The following MIS18BP1 variants were observed in gnomAD, a reference collection of about 807,000 sequenced individuals.
MIS18BP1 encodes the protein mis18-binding protein 1.
A neutral mutation model predicts 116.1 loss-of-function variants in MIS18BP1; 72 were observed. The ratio of observed to expected loss-of-function variants is 0.62; its 90% CI spans 0.51 to 0.75. The LOEUF (loss-of-function observed/expected upper bound fraction) is 0.75, where lower values mean the gene tolerates loss of function less well. Ranked by LOEUF, MIS18BP1 falls within the 30% of genes least tolerant of loss-of-function variation. The probability of loss-of-function intolerance (pLI) is 0.00; values close to 1 mark genes in which losing one functional copy is unlikely to be tolerated. For synonymous variants in MIS18BP1, 386 were observed against 427.0 expected, an observed-to-expected ratio of 0.90 and a Z score of 1.18; for missense variants, 1,363 against 1,303.2, an observed-to-expected ratio of 1.05 and a Z score of -0.71.
chr14:45,231,180 T>C lies in MIS18BP1; in HGVS notation c.1555A>G (p.Arg519Gly), dbSNP rs763291572. Reference protein sequence around the residue: ...ARENQTDTAQRATTTYDFDCD... With the variant: ...ARENQTDTAQGATTTYDFDCD... Reference sequence around the variant, plus strand: ...TCAAAATCGTAAGTGGTGGTGGCTCTTTGAGCAGTATCTGTTTGGTTTTCT... The same window carrying C: ...TCAAAATCGTAAGTGGTGGTGGCTCCTTGAGCAGTATCTGTTTGGTTTTCT... Residue 519 changes from arginine (R) to glycine (G), a missense_variant, in exon 8 of 17, where the codon AGA (arginine) becomes GGA (glycine). Coordinates refer to ENST00000310806, the MANE Select transcript of MIS18BP1 (RefSeq NM_018353.5). 3 of 1,613,964 alleles carry C rather than the reference T, an allele frequency of 1.9e-6. No homozygotes were observed. The African/African-American group carries it at 4.0e-5, about 22-fold the overall frequency.
In MIS18BP1 at chr14:45,232,789, C is replaced by T. The variant is rs1891324420; in HGVS notation, c.1380G>A (p.Met460Ile). The T allele has an allele frequency of 5.4e-6, 8 of 1,469,752 alleles. No individual in the cohort carries two copies. Among genetic ancestry groups the T allele is most frequent in the Non-Finnish European group, 7.4e-6 (8 of 1,078,386 alleles). The allele number at this position is 1,469,752 out of a possible 1,614,324, so 91.0% of individuals were successfully genotyped here. A position where few individuals can be genotyped will look rare whatever the true frequency, so the allele number is the denominator to read the frequency against. ...CTTTCCAATTTTCTGGAAATCCAAA[C>T]ATAAATTTCCTTATGAGATAATTTG... is the stretch of plus-strand genomic sequence containing the variant. ...GYPNYLIRKF[M>I]FGFPENWKEH... The change falls in exon 7 of 17, where the codon ATG (methionine) becomes ATA (isoleucine). Residue 460 changes from methionine to isoleucine, a missense_variant. By Grantham distance (10) the Met-to-Ile change is conservative. Transcript: ENST00000310806.
At chr14:45,237,571 A>G (rs1039324340) in intron 5 of MIS18BP1, 77 bp downstream of exon 5, 1 of 1,484,134 alleles carries the variant, frequency 6.7e-7, no homozygotes, top group African/African-American at 1.5e-5. Context: ...GGAGGATGCT[A>G]TTTCTCATGC....
intron 2 of MIS18BP1, 144 bp downstream of exon 2, chr14:45,246,599 C>T: frequency 1.7e-6 from 1 of 575,850 alleles, no homozygotes; most frequent in Non-Finnish European, 2.7e-6. Context: ...TTAATTATGT[C>T]TTCCCACCAT....
intron 11 of MIS18BP1, among the ~76,000 whole-genome samples, chr14:45,221,151 A>G: frequency 6.6e-6 from 1 of 151,738 alleles, no homozygotes; most frequent in East Asian, 1.9e-4. Flanking sequence ...GAAAAAAAAT[A>G]AAAGAAGCCG....
rs750343229 is a variant in MIS18BP1 at position 45,224,320 on chromosome 14, T to C, written c.2267A>G (p.Asn756Ser). The C allele has an allele frequency of 6.2e-7, 1 of 1,613,952 alleles. No individual in the cohort carries two copies. The highest frequency in any genetic ancestry group is 2.2e-5 in the East Asian group (1 of 44,858). ...CTTATAAAATGACATAGCTACCTGA[T>C]TTTCTATTTTCTTCAATTTTGGTAA... Reference protein sequence around the residue: ...RLLPKLKKIENQVAMSFYKHQ... With the variant: ...RLLPKLKKIESQVAMSFYKHQ... Residue 756 changes from asparagine (N) to serine (S), a missense_variant, in exon 11 of 17, where the codon AAT (asparagine) becomes AGT (serine). Coordinates refer to ENST00000310806, the MANE Select transcript of MIS18BP1 (RefSeq NM_018353.5).
At position 45,246,757 on chromosome 14, in the gene MIS18BP1, T is replaced by C. The variant is rs1594529320; in HGVS notation, c.530A>G (p.Asp177Gly). The change falls in exon 2 of 17, where the codon GAC (aspartate) becomes GGC (glycine). Residue 177 changes from aspartate to glycine, a missense_variant. Asp to Gly is a moderately conservative substitution (Grantham distance 94). Transcript: ENST00000310806. ...KENNKSFQSD[D>G]SSLRASVQGV... is the part of the protein sequence containing the mutation. ...ATAAAACTAACCTCTTAGTGAACTG[T>C]CATCTGACTGGAATGATTTGTTGTT... The C allele has an allele frequency of 1.3e-6, 2 of 1,565,936 alleles. No individual in the cohort carries two copies. Among genetic ancestry groups the C allele is most frequent in the Non-Finnish European group, 1.7e-6 (2 of 1,163,658 alleles).
At chr14:45,243,352 C>T (rs1891637010) in intron 2 of MIS18BP1, among the ~76,000 whole-genome samples, 2 of 152,140 alleles carry the variant, frequency 1.3e-5, no homozygotes, top group South Asian at 2.1e-4. Flanking sequence ...CAACAGCAGA[C>T]TCAGCCATAA....
intron 11 of MIS18BP1, among the ~76,000 whole-genome samples, chr14:45,218,690 G>C (rs747155845): frequency 1.3e-4 from 19 of 150,898 alleles, no homozygotes; most frequent in Non-Finnish European, 2.5e-4. Flanking sequence ...TAACTATTCT[G>C]ATGTGTTTTA....
At chr14:45,211,375 A>G (rs1890668411) in intron 13 of MIS18BP1, among the ~76,000 whole-genome samples, 1 of 152,248 alleles carries the variant, frequency 6.6e-6, no homozygotes, top group African/African-American at 2.4e-5. Context: ...GGTTGAGCCC[A>G]GGATGGTGCT....
chr14:45,238,315 C>A (rs1034100044), intron 4 of MIS18BP1, among the ~76,000 whole-genome samples: 2 of 151,878 alleles, frequency 1.3e-5, no homozygotes, highest in African/African-American at 4.8e-5. Flanking sequence ...CAAAGAAATT[C>A]TTGAATATAA....
chr14:45,210,430 T>A lies in MIS18BP1; in HGVS notation c.3102A>T (p.Lys1034Asn). The change falls in exon 14 of 17, where the codon AAA becomes AAT. Residue 1034 changes from lysine (K) to asparagine (N), a missense_variant. Coordinates refer to ENST00000310806, the MANE Select transcript of MIS18BP1 (RefSeq NM_018353.5). Reference sequence around the variant, plus strand: ...GACTGACATGCTGACATTGAGGAGTTTTTACCAATGGAAAGATAACTGATG... The same window carrying A: ...GACTGACATGCTGACATTGAGGAGTATTTACCAATGGAAAGATAACTGATG... ...TPSSVIFPLV[K>N]TPQCQHVSPG... 1 of 1,614,024 alleles carries A rather than the reference T, an allele frequency of 6.2e-7. No homozygotes were observed. Among genetic ancestry groups the A allele is most frequent in the Non-Finnish European group, 8.5e-7 (1 of 1,179,950 alleles).
At chr14:45,216,886 A>G (rs950598063) in intron 13 of MIS18BP1, 133 bp downstream of exon 13, 12 of 923,668 alleles carry the variant, frequency 1.3e-5, no homozygotes, top group East Asian at 1.0e-4. Context: ...ATTGTTTGCC[A>G]TAAGACTATG....
At chr14:45,233,553 T>A (rs117354784) in intron 6 of MIS18BP1, among the ~76,000 whole-genome samples, 3,591 of 152,178 alleles carry the variant, frequency 0.024, 71 homozygotes, top group Middle Eastern at 0.068. Context: ...TGAGACCAGT[T>A]AGGAGGCCAC....
intron 8 of MIS18BP1, among the ~76,000 whole-genome samples, chr14:45,229,579 T>A (rs1229530623): frequency 6.6e-6 from 1 of 152,158 alleles, no homozygotes; most frequent in Non-Finnish European, 1.5e-5. Context: ...CAAACTTTAG[T>A]CTTTTAAATT....
chr14:45,219,378 G>A (rs1016475461), intron 11 of MIS18BP1, among the ~76,000 whole-genome samples: 1 of 152,130 alleles, frequency 6.6e-6, no homozygotes, highest in Non-Finnish European at 1.5e-5. Context: ...TACTCCCATT[G>A]TAGTTGATGT....
Position 45,242,427 on chromosome 14 carries a change from A to C in MIS18BP1, c.750T>G (p.Ile250Met). 1.2e-6 allele frequency: 2 copies of C among 1,613,738 alleles called. No individual in the cohort carries two copies. The highest frequency in any genetic ancestry group is 1.7e-6 in the Non-Finnish European group (2 of 1,179,916). The change falls in exon 4 of 17, where the codon ATT becomes ATG. Residue 250 changes from isoleucine to methionine, a missense_variant. Ile to Met is a conservative substitution (Grantham distance 10). Coordinates refer to ENST00000310806, the MANE Select transcript of MIS18BP1 (RefSeq NM_018353.5). ...TLTRAQLAKQ[I>M]FHSKESIVAT... ...CAACTATACTCTCCTTTGAGTGAAA[A>C]ATTTGTTTAGCCAACTGAGCTCTAG...
chr14:45,252,944 A>G (rs1031871014), intron 1 of MIS18BP1, 91 bp downstream of exon 1: 4 of 152,146 alleles, frequency 2.6e-5, no homozygotes, highest in Non-Finnish European at 4.4e-5. Context: ...AATAAATAAA[A>G]CCGCGTGAGC....
In MIS18BP1 at chr14:45,246,859, C is replaced by T. The variant is rs377633073; in HGVS notation, c.428G>A (p.Gly143Glu). Residue 143 changes from glycine to glutamate, a missense_variant, in exon 2 of 17, where the codon GGA (glycine) becomes GAA (glutamate). By Grantham distance (98) the Gly-to-Glu change is moderately conservative (BLOSUM62 -2). Transcript: ENST00000310806. ...GTTAGGAGTGAAGGTTTCATTATTTCCACTTTTCTGTGGTTCCAACAAACT... is the reference window on the plus strand; with the variant it reads ...GTTAGGAGTGAAGGTTTCATTATTTTCACTTTTCTGTGGTTCCAACAAACT... Reference protein sequence around the residue: ...NSSLLEPQKSGNNETFTPNRV... With the variant: ...NSSLLEPQKSENNETFTPNRV... The T allele has an allele frequency of 4.4e-6, 7 of 1,608,864 alleles. No homozygotes were observed. Among genetic ancestry groups the T allele is most frequent in the Non-Finnish European group, 5.9e-6 (7 of 1,177,856 alleles).
chr14:45,242,199 C>A lies in MIS18BP1; in HGVS notation c.978G>T (p.Val326=). 2 of 1,614,074 alleles carry A rather than the reference C, an allele frequency of 1.2e-6. No individual in the cohort carries two copies. Among genetic ancestry groups the A allele is most frequent in the Non-Finnish European group, 1.7e-6 (2 of 1,179,986 alleles). The change falls in exon 4 of 17, where the codon GTG becomes GTT. Residue 326 remains valine (V), a synonymous_variant. Transcript: ENST00000310806. The part of the protein sequence containing the change: ...QKVKEGNGKT[V]PGETGLPGSM... ...AACCTGGAAGACCTGTCTCTCCAGG[C>A]ACTGTTTTTCCATTTCCTTCCTTAA...
Sources: gnomAD v4.1 joint callset for allele counts (sites outside exome capture counted in the v4.1 genomes callset) on GRCh38, gnomAD v4.1.1 for gene constraint, MANE v1.5 for transcripts, NCBI Gene and HGNC (gene_info 2026-07-23, HGNC 2026-07-21) for gene names.